REG3G: variants seen among roughly 807,000 people sequenced by gnomAD.
The protein encoded by REG3G is regenerating islet-derived protein 3-gamma.
A neutral mutation model predicts 20.9 loss-of-function variants in REG3G; 19 were observed. The ratio of observed to expected loss-of-function variants is 0.91; its 90% CI spans 0.64 to 1.34. The LOEUF (loss-of-function observed/expected upper bound fraction) is 1.34, where lower values mean the gene tolerates loss of function less well. REG3G is among the 40% of genes most tolerant of loss of function. The pLI is 0.00. For synonymous variants in REG3G, 89 were observed against 77.4 expected (o/e 1.15, Z -0.79); for missense variants, 235 against 205.0 (o/e 1.15, Z -0.89).
intron 4 of REG3G, 40 bp from the exon 5 acceptor site, chr2:79,027,767 T>C (rs768710384): frequency 1.9e-6 from 3 of 1,612,872 alleles, no homozygotes; most frequent in Non-Finnish European, 1.7e-6. Flanking sequence ...AGACCTGCAA[T>C]GGCCATTTTC....
rs775148116 is a variant in REG3G at position 79,027,033 on chromosome 2, G to A, written c.196-1G>A. ...TCTCATTCTCTTTGTCCCCCTCAAA[G>A]CTGGCTTGCCAGAAGCGGCCCTCTG... On this transcript the variant is annotated splice_acceptor_variant, in intron 3 of 5. Transcript: ENST00000272324. LOFTEE classifies it high-confidence loss of function. The A allele has an allele frequency of 1.2e-6, 2 of 1,614,034 alleles. No individual in the cohort carries two copies. The highest frequency in any genetic ancestry group is 1.7e-4 in the Middle Eastern group (1 of 6,058).
chr2:79,028,239 A>G lies in REG3G; in HGVS notation c.491A>G (p.Asp164Gly), dbSNP rs747286942. ...GFLKWKDYNC[D>G]AKLPYVCKFK... The stretch of plus-strand genomic sequence containing the variant: ...CTGAAGTGGAAAGATTATAACTGTG[A>G]TGCAAAGTTACCCTATGTCTGCAAG... Residue 164 changes from aspartate (D) to glycine (G), a missense_variant, in exon 6 of 6, where the codon GAT becomes GGT. By Grantham distance (94) the Asp-to-Gly change is moderately conservative (BLOSUM62 -1). Coordinates refer to ENST00000272324, the MANE Select transcript of REG3G (RefSeq NM_001008387.3). 6.2e-7 allele frequency: 1 copy of G among 1,613,228 alleles called. No homozygotes were observed. Among genetic ancestry groups the G allele is most frequent in the Non-Finnish European group, 8.5e-7 (1 of 1,179,292 alleles).
rs141988521 is a variant in REG3G at position 79,027,601 on chromosome 2, A to C, written c.334-206A>C. On this transcript the variant is annotated intron_variant, in intron 4 of 5. Transcript: ENST00000272324. Reference sequence around the variant, plus strand: ...AACATATTACCTTGAGTGATTCCAAAGTTCTTGTGTTTATTGGTTGGGATT... The same window carrying C: ...AACATATTACCTTGAGTGATTCCAACGTTCTTGTGTTTATTGGTTGGGATT... Among the ~76,000 whole-genome samples, 434 of 152,268 alleles carry C rather than the reference A, an allele frequency of 2.9e-3. 2 individuals carry two copies. Among genetic ancestry groups the C allele is most frequent in the African/African-American group, 0.01 (420 of 41,562 alleles).
rs1457227316 is a variant in REG3G at position 79,026,537 on chromosome 2, G to A, written c.77-176G>A. On this transcript the variant is annotated intron_variant, in intron 2 of 5. Coordinates refer to ENST00000272324, the MANE Select transcript of REG3G (RefSeq NM_001008387.3). ...GGAAAGGGTAATAACAGACTAGATG[G>A]TGGCCCATTTAGTAGGGCTATTTTG... is the stretch of plus-strand genomic sequence containing the variant. 5 of 618,926 alleles carry A rather than the reference G, an allele frequency of 8.1e-6. No individual in the cohort carries two copies. In the South Asian group the frequency reaches 1.0e-4, roughly 12 times the overall value. The allele number at this position is 618,926 out of a possible 1,614,324, so 38.3% of individuals were successfully genotyped here. A position where few individuals can be genotyped will look rare whatever the true frequency, so the allele number is the denominator to read the frequency against.
rs577482733 is a variant in REG3G, at chr2:79,027,688, T to C, written c.334-119T>C. ...GTGCAGAGGACTCTAGGGCAGCATC[T>C]GGAAGATCAGACCAAAATCCCTGAT... On this transcript the variant is annotated intron_variant, in intron 4 of 5. Coordinates refer to ENST00000272324, the MANE Select transcript of REG3G (RefSeq NM_001008387.3). The C allele has an allele frequency of 7.5e-5, 87 of 1,162,828 alleles. No homozygotes were observed. In the African/African-American group the frequency reaches 1.1e-3, roughly 15 times the overall value. The allele number at this position is 1,162,828 out of a possible 1,614,324, so 72.0% of individuals were successfully genotyped here. A position where few individuals can be genotyped will look rare whatever the true frequency, so the allele number is the denominator to read the frequency against.
In REG3G at chr2:79,026,650, C is replaced by T. The variant is rs1386003263; in HGVS notation, c.77-63C>T. The T allele has an allele frequency of 6.0e-6, 8 of 1,343,050 alleles. No homozygotes were observed. The Admixed American group carries it at 1.3e-4, about 22-fold the overall frequency. 83.2% of individuals were successfully genotyped at this position (1,343,050 alleles called of 1,614,324 possible). A position where few individuals can be genotyped will look rare whatever the true frequency, so the allele number is the denominator to read the frequency against. Reference sequence around the variant, plus strand: ...CCCAAGGGCAGACCTAGATATTCCCCAAGGTCATCTCCCACCCACCCCCTA... The same window carrying T: ...CCCAAGGGCAGACCTAGATATTCCCTAAGGTCATCTCCCACCCACCCCCTA... On this transcript the variant is annotated intron_variant, in intron 2 of 5. Coordinates refer to ENST00000272324, the MANE Select transcript of REG3G (RefSeq NM_001008387.3).
intron 4 of REG3G, 79 bp downstream of exon 4, chr2:79,027,250 G>A: frequency 1.4e-6 from 2 of 1,479,896 alleles, no homozygotes; most frequent in South Asian, 1.2e-5. Flanking sequence ...CCCAGTCCCT[G>A]CCCAGGAAGT....
chr2:79,027,089 A>T lies in REG3G; in HGVS notation c.251A>T (p.Glu84Val). 3 of 1,614,026 alleles carry T rather than the reference A, an allele frequency of 1.9e-6. No homozygotes were observed. The highest frequency in any genetic ancestry group is 2.5e-6 in the Non-Finnish European group (3 of 1,179,960). ...GKLVSVLSGAEGSFVSSLVRS... is the reference protein window; with the variant it reads ...GKLVSVLSGAVGSFVSSLVRS... ...CTGGTGTCTGTGCTCAGTGGGGCTGAGGGATCCTTCGTGTCCTCCCTGGTG... is the reference window on the plus strand; with the variant it reads ...CTGGTGTCTGTGCTCAGTGGGGCTGTGGGATCCTTCGTGTCCTCCCTGGTG... Residue 84 changes from glutamate to valine, a missense_variant, in exon 4 of 6, where the codon GAG becomes GTG. Transcript: ENST00000272324.
chr2:79,026,683 T>C (rs1275567251), intron 2 of REG3G, 30 bp from the exon 3 acceptor site: 1 of 1,561,234 alleles, frequency 6.4e-7, no homozygotes, highest in Non-Finnish European at 8.8e-7. Flanking sequence ...CTACTCTTCA[T>C]TTTACTCTCT....
rs1442587397 is a variant in REG3G, at chr2:79,026,765, C to T, written c.129C>T (p.Gly43=). The part of the protein sequence containing the change: ...LPSPRISCPK[G]SKAYGSPCYA... ...CTCCACGGATCAGCTGTCCCAAAGG[C>T]TCCAAGGCCTATGGCTCCCCCTGCT... is the stretch of plus-strand genomic sequence containing the variant. Residue 43 remains glycine, a synonymous_variant, in exon 3 of 6, where the codon GGC becomes GGT. Coordinates refer to ENST00000272324, the MANE Select transcript of REG3G (RefSeq NM_001008387.3). 6.8e-6 allele frequency: 11 copies of T among 1,613,912 alleles called. No homozygotes were observed. The highest frequency in any genetic ancestry group is 9.3e-6 in the Non-Finnish European group (11 of 1,179,940).
intron 2 of REG3G, 113 bp downstream of exon 2, chr2:79,026,282 C>T: frequency 1.0e-6 from 1 of 958,256 alleles, no homozygotes. Context: ...AATGAAACTG[C>T]CTGCAGTTCC....
chr2:79,028,172 C>A lies in REG3G; in HGVS notation c.461-37C>A, dbSNP rs764617254. On this transcript the variant is annotated intron_variant, in intron 5 of 5. Coordinates refer to ENST00000272324, the MANE Select transcript of REG3G (RefSeq NM_001008387.3). ...TGCCTCTTCACTGGGTTCACAAGTT[C>A]CCCCAGCCCCATGCCTTTTATATTC... 2.0e-6 allele frequency: 3 copies of A among 1,496,146 alleles called. No individual in the cohort carries two copies. The Admixed American group carries it at 5.0e-5, about 25-fold the overall frequency. The allele number at this position is 1,496,146 out of a possible 1,614,324, so 92.7% of individuals were successfully genotyped here. A position where few individuals can be genotyped will look rare whatever the true frequency, so the allele number is the denominator to read the frequency against.
rs1038773879 is a variant in REG3G at position 79,027,079 on chromosome 2, A to G, written c.241A>G (p.Ser81Gly). Residue 81 changes from serine to glycine, a missense_variant, in exon 4 of 6, where the codon AGT becomes GGT. Coordinates refer to ENST00000272324, the MANE Select transcript of REG3G (RefSeq NM_001008387.3). The part of the protein sequence containing the change: ...RPSGKLVSVL[S>G]GAEGSFVSSL... ...CTCTGGAAAACTGGTGTCTGTGCTC[A>G]GTGGGGCTGAGGGATCCTTCGTGTC... 8.7e-6 allele frequency: 14 copies of G among 1,613,966 alleles called. No homozygotes were observed. The highest frequency in any genetic ancestry group is 8.3e-5 in the Admixed American group (5 of 59,992).
At chr2:79,026,670 C>A (rs770038819) in intron 2 of REG3G, 43 bp from the exon 3 acceptor site, 1 of 1,519,050 alleles carries the variant, frequency 6.6e-7, no homozygotes, top group Non-Finnish European at 9.1e-7. Flanking sequence ...TCCCACCCAC[C>A]CCCTACTCTT....
At chr2:79,027,700 C>T (rs975915971) in intron 4 of REG3G, 107 bp from the exon 5 acceptor site, 2 of 1,377,788 alleles carry the variant, frequency 1.5e-6, no homozygotes, top group Non-Finnish European at 2.0e-6. Context: ...GAAGATCAGA[C>T]CAAAATCCCT....
Position 79,028,333 on chromosome 2 carries a change from C to A in REG3G, c.*57C>A, listed in dbSNP as rs1016153338. 164 of 1,186,088 alleles carry A rather than the reference C, an allele frequency of 1.4e-4. 2 individuals carry two copies. The South Asian group carries it at 1.9e-3, about 14-fold the overall frequency. 73.5% of individuals were successfully genotyped at this position (1,186,088 alleles called of 1,614,324 possible). A position where few individuals can be genotyped will look rare whatever the true frequency, so the allele number is the denominator to read the frequency against. On this transcript the variant is annotated 3_prime_UTR_variant, in exon 6 of 6. Coordinates refer to ENST00000272324, the MANE Select transcript of REG3G (RefSeq NM_001008387.3). ...CGTGCAGCTCATCATGGACATGAGA[C>A]CAGTGTGAAGACTCACCCTGGAAGA...
At position 79,028,242 on chromosome 2, in the gene REG3G, C is replaced by T. The variant is rs1232566583; in HGVS notation, c.494C>T (p.Ala165Val). The T allele has an allele frequency of 1.2e-6, 2 of 1,613,064 alleles. No homozygotes were observed. The highest frequency in any genetic ancestry group is 2.2e-5 in the East Asian group (1 of 44,842). The change falls in exon 6 of 6, where the codon GCA becomes GTA. Residue 165 changes from alanine (A) to valine (V), a missense_variant. Coordinates refer to ENST00000272324, the MANE Select transcript of REG3G (RefSeq NM_001008387.3). The part of the protein sequence containing the change: ...FLKWKDYNCD[A>V]KLPYVCKFKD ...AAGTGGAAAGATTATAACTGTGATG[C>T]AAAGTTACCCTATGTCTGCAAGTTC... is the stretch of plus-strand genomic sequence containing the variant.
chr2:79,028,468 T>G lies in REG3G; in HGVS notation c.*192T>G. On this transcript the variant is annotated 3_prime_UTR_variant, in exon 6 of 6. Coordinates refer to ENST00000272324, the MANE Select transcript of REG3G (RefSeq NM_001008387.3). ...TTTCTCTGTCTTCCATGTCTTGAGA[T>G]CTCAGAGAATAATAATAAAAATGTT... 5.8e-6 allele frequency: 3 copies of G among 518,804 alleles called. No individual in the cohort carries two copies. Among genetic ancestry groups the G allele is most frequent in the Non-Finnish European group, 1.0e-5 (3 of 290,328 alleles). The allele number at this position is 518,804 out of a possible 1,614,324, so 32.1% of individuals were successfully genotyped here. A position where few individuals can be genotyped will look rare whatever the true frequency, so the allele number is the denominator to read the frequency against.
In REG3G at chr2:79,027,933, G is replaced by A; in HGVS notation, c.460G>A (p.Gly154Arg). Reference protein sequence around the residue: ...GHCGSLSRSTGFLKWKDYNCD... With the variant: ...GHCGSLSRSTRFLKWKDYNCD... ...CTGTGGGAGCCTGTCAAGAAGCACA[G>A]GTAAGAAACAGAAGAGCTGCCTCTT... Residue 154 changes from glycine to arginine, a missense_variant and splice_region_variant, in exon 5 of 6, where the codon GGA (glycine) becomes AGA (arginine). Coordinates refer to ENST00000272324, the MANE Select transcript of REG3G (RefSeq NM_001008387.3). 6.2e-7 allele frequency: 1 copy of A among 1,613,940 alleles called. No homozygotes were observed. The highest frequency in any genetic ancestry group is 2.2e-5 in the East Asian group (1 of 44,854).
Sources: gnomAD v4.1 joint callset for allele counts (sites outside exome capture counted in the v4.1 genomes callset) on GRCh38, gnomAD v4.1.1 for gene constraint, MANE v1.5 for transcripts, NCBI Gene and HGNC (gene_info 2026-07-23, HGNC 2026-07-21) for gene names.